The following GPR83 variants were observed in gnomAD, a reference collection of about 807,000 sequenced individuals.
The protein encoded by GPR83 is G protein-coupled receptor 83.
GPR83 carries 23 observed loss-of-function variants against 28.0 expected under a neutral mutation model. The observed-to-expected ratio is 0.82, with a 90% CI of 0.59 to 1.16. GPR83 has a LOEUF of 1.16. GPR83 is among the 50% of genes most tolerant of loss of function. The pLI is 0.00. For missense variants in GPR83, 610 were observed against 536.6 expected (o/e 1.14, Z -1.35); for synonymous variants, 234 against 215.4 (o/e 1.09, Z -0.76).
At chr11:94,386,975 C>A (rs12417543) in intron 3 of GPR83, among the ~76,000 whole-genome samples, 2 of 151,964 alleles carry the variant, frequency 1.3e-5, no homozygotes, top group Admixed American at 1.3e-4. Flanking sequence ...ATAACAAACT[C>A]TCTCCCAGAA....
At chr11:94,393,347 G>T in intron 3 of GPR83, 138 bp downstream of exon 3, 2 of 716,714 alleles carry the variant, frequency 2.8e-6, no homozygotes, top group South Asian at 1.8e-5. Context: ...ATGGGAGCGA[G>T]CCAGAGAAAG....
At chr11:94,399,309 A>G (rs931181831) in intron 1 of GPR83, among the ~76,000 whole-genome samples, 3 of 152,228 alleles carry the variant, frequency 2.0e-5, no homozygotes, top group Non-Finnish European at 4.4e-5. Context: ...GTGGCCATCA[A>G]TACGTTAGAC....
At position 94,380,476 on chromosome 11, in the gene GPR83, C is replaced by A. The variant is rs1366565609; in HGVS notation, c.945G>T (p.Leu315=). 3 of 1,614,144 alleles carry A rather than the reference C, an allele frequency of 1.9e-6. No individual in the cohort carries two copies. Among genetic ancestry groups the A allele is most frequent in the African/African-American group, 2.7e-5 (2 of 75,032 alleles). The part of the protein sequence containing the change: ...WFPLNCYVLL[L]SSKVIRTNNA... ...TGTTGGTGCGGATGACCTTGCTGGACAGGAGGAGGACGTAGCAGTTGAGGG... is the reference window on the plus strand; with the variant it reads ...TGTTGGTGCGGATGACCTTGCTGGAAAGGAGGAGGACGTAGCAGTTGAGGG... The change falls in exon 4 of 4, where the codon CTG becomes CTT. Residue 315 remains leucine, a synonymous_variant. Transcript: ENST00000243673.
chr11:94,383,018 A>G (rs79986474), intron 3 of GPR83, among the ~76,000 whole-genome samples: 2 of 150,954 alleles, frequency 1.3e-5, no homozygotes, highest in African/African-American at 2.4e-5. Context: ...CAAAAAAAAA[A>G]TTAGCCAGGC....
At chr11:94,390,723 A>G (rs1416448443) in intron 3 of GPR83, among the ~76,000 whole-genome samples, 1 of 152,202 alleles carries the variant, frequency 6.6e-6, no homozygotes, top group Non-Finnish European at 1.5e-5. Flanking sequence ...CCCACTCACA[A>G]TTGCTACTAA....
At position 94,400,985 on chromosome 11, in the gene GPR83, C is replaced by G; in HGVS notation, c.263G>C (p.Gly88Ala). ...YSFIIVFSLF[G>A]NVLVCHVIFK... ...GATGACATGACAGACCAGGACGTTG[C>G]CAAAGAGTGAGAAGACAATGATGAA... The change falls in exon 1 of 4, where the codon GGC becomes GCC. Residue 88 changes from glycine (G) to alanine (A), a missense_variant. Gly to Ala is a moderately conservative substitution (Grantham distance 60, BLOSUM62 0). Coordinates refer to ENST00000243673, the MANE Select transcript of GPR83 (RefSeq NM_016540.4). 1 of 1,614,126 alleles carries G rather than the reference C, an allele frequency of 6.2e-7. No homozygotes were observed. Among genetic ancestry groups the G allele is most frequent in the Non-Finnish European group, 8.5e-7 (1 of 1,179,998 alleles).
intron 3 of GPR83, among the ~76,000 whole-genome samples, chr11:94,387,290 A>G (rs1182222901): frequency 1.3e-5 from 2 of 152,222 alleles, no homozygotes; most frequent in Admixed American, 6.5e-5. Context: ...GAGCAAACAC[A>G]TTCAAAAGCT....
At chr11:94,391,596 A>G (rs148043293) in intron 3 of GPR83, among the ~76,000 whole-genome samples, 24,195 of 152,194 alleles carry the variant, frequency 0.16, 2,454 homozygotes, top group Non-Finnish European at 0.23. Flanking sequence ...AATACCCAGG[A>G]TCTACAAAGA....
chr11:94,389,177 G>C lies in GPR83; in HGVS notation c.647+4308C>G, dbSNP rs1211142405. Reference sequence around the variant, plus strand: ...ACACCTTACACAAAAATTAATTCAAGATGGATTAAAGACTTAAATGTTAGA... The same window carrying C: ...ACACCTTACACAAAAATTAATTCAACATGGATTAAAGACTTAAATGTTAGA... On this transcript the variant is annotated intron_variant, in intron 3 of 3. Transcript: ENST00000243673. Among the ~76,000 whole-genome samples the C allele has an allele frequency of 3.9e-5, 6 of 152,278 alleles. No homozygotes were observed. The East Asian group carries it at 1.2e-3, about 29-fold the overall frequency.
intron 3 of GPR83, among the ~76,000 whole-genome samples, chr11:94,383,180 C>T (rs1333476187): frequency 6.6e-6 from 1 of 150,696 alleles, no homozygotes; most frequent in African/African-American, 2.4e-5. Flanking sequence ...AAAAAAGAAA[C>T]TCACTCAAAA....
At chr11:94,393,381 A>T in intron 3 of GPR83, 104 bp downstream of exon 3, 1 of 988,608 alleles carries the variant, frequency 1.0e-6, no homozygotes, top group Non-Finnish European at 1.6e-6. Flanking sequence ...GGTACTAGTT[A>T]CTCAGACAGT....
In GPR83 at chr11:94,377,388, C is replaced by A. The variant is rs1591597780; in HGVS notation, c.*2761G>T. ...AACACTTTACAGCACATTGGAAAAACTCAAGTTTCACAAATTTTACATTCA... is the reference window on the plus strand; with the variant it reads ...AACACTTTACAGCACATTGGAAAAAATCAAGTTTCACAAATTTTACATTCA... On this transcript the variant is annotated 3_prime_UTR_variant, in exon 4 of 4. Coordinates refer to ENST00000243673, the MANE Select transcript of GPR83 (RefSeq NM_016540.4). The A allele has an allele frequency of 6.6e-6, 1 of 152,120 alleles. No homozygotes were observed. The highest frequency in any genetic ancestry group is 6.5e-5 in the Admixed American group (1 of 15,274). 9.4% of individuals were successfully genotyped at this position (152,120 alleles called of 1,614,324 possible).
intron 3 of GPR83, among the ~76,000 whole-genome samples, chr11:94,387,968 T>C (rs1284901745): frequency 6.6e-6 from 1 of 152,172 alleles, no homozygotes; most frequent in African/African-American, 2.4e-5. Context: ...TCAAAAAGCT[T>C]ATCCACCATG....
chr11:94,384,355 T>C (rs1012388137), intron 3 of GPR83, among the ~76,000 whole-genome samples: 17 of 152,160 alleles, frequency 1.1e-4, no homozygotes, highest in African/African-American at 4.1e-4. Flanking sequence ...GAACTATTTA[T>C]GGGGTGGTTC....
chr11:94,389,055 C>T (rs1370477391), intron 3 of GPR83, among the ~76,000 whole-genome samples: 1 of 151,938 alleles, frequency 6.6e-6, no homozygotes, highest in African/African-American at 2.4e-5. Flanking sequence ...ACAAACCTGA[C>T]AAAAACAAGA....
chr11:94,393,682 C>A, intron 2 of GPR83, 64 bp from the exon 3 acceptor site: 1 of 1,523,202 alleles, frequency 6.6e-7, no homozygotes, highest in Non-Finnish European at 9.1e-7. Context: ...AAATCTGGGT[C>A]AGGCGCAGGT....
At chr11:94,394,655 C>T (rs944897150) in intron 2 of GPR83, among the ~76,000 whole-genome samples, 3 of 151,918 alleles carry the variant, frequency 2.0e-5, no homozygotes, top group African/African-American at 7.3e-5. Flanking sequence ...CCAATGTTTT[C>T]AAGGTTTTAT....
At chr11:94,388,697 T>C (rs1235383125) in intron 3 of GPR83, among the ~76,000 whole-genome samples, 1 of 152,166 alleles carries the variant, frequency 6.6e-6, no homozygotes, top group African/African-American at 2.4e-5. Context: ...TGGAAGAATA[T>C]TCCATGCTCG....
chr11:94,388,700 C>G (rs192230963), intron 3 of GPR83, among the ~76,000 whole-genome samples: 161 of 152,290 alleles, frequency 1.1e-3, no homozygotes, highest in African/African-American at 3.7e-3. Context: ...AAGAATATTC[C>G]ATGCTCGTGG....
Sources: allele counts gnomAD v4.1 joint callset (sites outside exome capture counted in the v4.1 genomes callset), GRCh38; gene constraint gnomAD v4.1.1; transcripts MANE v1.5; gene names NCBI Gene and HGNC (gene_info 2026-07-23, HGNC 2026-07-21).